Variants in CDK12 observed in about 807,000 individuals in gnomAD.
CDK12 encodes the protein cyclin dependent kinase 12.
A neutral mutation model predicts 133.8 loss-of-function variants in CDK12; 17 were observed. The ratio of observed to expected loss-of-function variants is 0.13; its 90% CI spans 0.09 to 0.19. The LOEUF (loss-of-function observed/expected upper bound fraction) is 0.19. Among genes scored for constraint, CDK12 ranks in the 10% least tolerant of loss-of-function variants. CDK12 has a pLI of 1.00. For missense variants in CDK12, 1,508 were observed against 1,818.7 expected, an observed-to-expected ratio of 0.83 and a Z score of 3.11; for synonymous variants, 694 against 683.6, an observed-to-expected ratio of 1.02 and a Z score of -0.24.
At chr17:39,558,855 G>A (rs2056261821) in intron 3 of CDK12, among the ~76,000 whole-genome samples, 2 of 152,266 alleles carry the variant, frequency 1.3e-5, no homozygotes, top group Non-Finnish European at 2.9e-5. Context: ...TGTTGGCCAG[G>A]CTGGTCTTGA....
chr17:39,468,085 G>A (rs2049486936), intron 1 of CDK12, among the ~76,000 whole-genome samples: 1 of 147,932 alleles, frequency 6.8e-6, no homozygotes, highest in Admixed American at 6.9e-5. Context: ...TAGTAGAGCT[G>A]GGATTTCACC....
intron 6 of CDK12, among the ~76,000 whole-genome samples, chr17:39,502,017 G>A (rs2052752836): frequency 6.7e-6 from 1 of 149,198 alleles, no homozygotes; most frequent in African/African-American, 2.5e-5. Context: ...GCTAATTTTT[G>A]TATTTTCAGT....
intron 7 of CDK12, 81 bp downstream of exon 7, chr17:39,509,842 C>A (rs2146329474): frequency 1.8e-6 from 2 of 1,122,318 alleles, no homozygotes; most frequent in Non-Finnish European, 2.7e-6. Flanking sequence ...TATTCTGTTG[C>A]TCAGGCTGGA....
In CDK12 at chr17:39,471,656, T is replaced by C. The variant is rs1217422091; in HGVS notation, c.1824T>C (p.Ser608=). The C allele has an allele frequency of 1.2e-6, 2 of 1,614,028 alleles. No individual in the cohort carries two copies. The highest frequency in any genetic ancestry group is 1.7e-6 in the Non-Finnish European group (2 of 1,180,006). The change falls in exon 2 of 14, where the codon TCT becomes TCC. Residue 608 remains serine, a synonymous_variant. Transcript: ENST00000447079. ...QANSQPPVQV[S]VKTQVSVTAA... ...ATTCTCAGCCCCCTGTACAGGTTTC[T>C]GTGAAGACTCAAGTATCTGTAACAG...
chr17:39,482,302 G>T lies in CDK12; in HGVS notation c.1932-8255G>T, dbSNP rs145945524. Among the ~76,000 whole-genome samples, 445 of 152,084 alleles carry T rather than the reference G, an allele frequency of 2.9e-3. 2 individuals are homozygous for T. Among genetic ancestry groups the T allele is most frequent in the Non-Finnish European group, 4.8e-3 (326 of 68,000 alleles). On this transcript the variant is annotated intron_variant, in intron 2 of 13. Coordinates refer to ENST00000447079, the MANE Select transcript of CDK12 (RefSeq NM_016507.4). Reference sequence around the variant, plus strand: ...GCTAGGATTACAGGCCTGAGCTACCGCACCTGGCCTTGCTCTGTTTTTCTA... The same window carrying T: ...GCTAGGATTACAGGCCTGAGCTACCTCACCTGGCCTTGCTCTGTTTTTCTA...
intron 11 of CDK12, among the ~76,000 whole-genome samples, chr17:39,520,610 C>T (rs1437522051): frequency 1.3e-5 from 2 of 152,016 alleles, no homozygotes; most frequent in Non-Finnish European, 2.9e-5. Flanking sequence ...CAGCTGGTCT[C>T]GAACTCCTGA....
intron 11 of CDK12, among the ~76,000 whole-genome samples, chr17:39,520,526 G>C (rs1217256989): frequency 6.6e-6 from 1 of 151,856 alleles, no homozygotes; most frequent in Non-Finnish European, 1.5e-5. Context: ...GAGTAGCTGG[G>C]ACTACAGACA....
Position 39,509,689 on chromosome 17 carries a change from G to C in CDK12, c.2610-16G>C, listed in dbSNP as rs936246452. On this transcript the variant is annotated splice_polypyrimidine_tract_variant and intron_variant, in intron 6 of 13. Transcript: ENST00000447079. ...ACTGCTATGGCTTATGAAAATAATT[G>C]TTTTTTGTTTTACAGTGGGCAAATC... The C allele has an allele frequency of 1.2e-6, 2 of 1,605,620 alleles. No homozygotes were observed. The highest frequency in any genetic ancestry group is 1.7e-6 in the Non-Finnish European group (2 of 1,172,326).
upstream of CDK12, chr17:39,550,077 G>A (rs1033901448): frequency 6.6e-6 from 1 of 152,018 alleles, no homozygotes; most frequent in Non-Finnish European, 1.5e-5. Flanking sequence ...TGAGGGGGTG[G>A]AGAGACCAAG....
intron 12 of CDK12, among the ~76,000 whole-genome samples, chr17:39,525,197 T>C (rs982192864): frequency 7.9e-5 from 12 of 152,238 alleles, no homozygotes; most frequent in African/African-American, 2.9e-4. Context: ...CACCCATGAC[T>C]TTATGAAACA....
At position 39,471,207 on chromosome 17, in the gene CDK12, G is replaced by C; in HGVS notation, c.1375G>C (p.Asp459His). 1 of 1,586,468 alleles carries C rather than the reference G, an allele frequency of 6.3e-7. No homozygotes were observed. The highest frequency in any genetic ancestry group is 8.5e-7 in the Non-Finnish European group (1 of 1,170,168). Residue 459 changes from aspartate to histidine, a missense_variant, in exon 2 of 14, where the codon GAT (aspartate) becomes CAT (histidine). Physicochemically the swap from Asp to His is moderately conservative, Grantham distance 81 (BLOSUM62 -1). Transcript: ENST00000447079. ...RSVKLEKSAP[D>H]TELVNVTHLN... ...TGTAAAATTGGAAAAATCTGCCCCA[G>C]ATACTGAACTGGTGAATGTAACACA...
rs1288720999 is a variant in CDK12 at position 39,462,599 on chromosome 17, A to C, written c.528A>C (p.Ser176=). The C allele has an allele frequency of 1.2e-6, 2 of 1,614,058 alleles. No individual in the cohort carries two copies. The highest frequency in any genetic ancestry group is 1.7e-6 in the Non-Finnish European group (2 of 1,180,040). ...AAAGCAGCAGCAAGGAATCCAGGTC[A>C]TCCAAGCTCCACAAGGAGAAGACCA... The part of the protein sequence containing the change: ...VAKSSSKESR[S]SKLHKEKTRK... The change falls in exon 1 of 14, where the codon TCA becomes TCC. Residue 176 remains serine, a synonymous_variant. Transcript: ENST00000447079.
At position 39,533,469 on chromosome 17, in the gene CDK12, ATACTTTCAGAAG is replaced by A; in HGVS notation, c.*2156_*2167del. The A allele has an allele frequency of 4.3e-6, 1 of 233,224 alleles. No homozygotes were observed. The highest frequency in any genetic ancestry group is 8.5e-6 in the Non-Finnish European group (1 of 117,962). The allele number at this position is 233,224 out of a possible 1,614,324, so 14.4% of individuals were successfully genotyped here. ...TTTTATTAAAGAACGTGAGCCTGGG[ATACTTTCAGAAG>A]TATCTGTTCAATGAAAAAAAGTTGG... On this transcript the variant is annotated 3_prime_UTR_variant, in exon 14 of 14. Coordinates refer to ENST00000447079, the MANE Select transcript of CDK12 (RefSeq NM_016507.4).
chr17:39,461,517 C>G lies in CDK12; in HGVS notation c.-555C>G. On this transcript the variant is annotated 5_prime_UTR_variant, in exon 1 of 14. Coordinates refer to ENST00000447079, the MANE Select transcript of CDK12 (RefSeq NM_016507.4). ...CGTTTCGGTTTAATCTAGTGTGTGA[C>G]TGGGTCTGTGTGAGGGAGAGAGTGT... The G allele has an allele frequency of 4.2e-6, 1 of 237,120 alleles. No individual in the cohort carries two copies. Among genetic ancestry groups the G allele is most frequent in the Non-Finnish European group, 8.3e-6 (1 of 120,170 alleles). 14.7% of individuals were successfully genotyped at this position (237,120 alleles called of 1,614,324 possible).
intron 4 of CDK12, among the ~76,000 whole-genome samples, chr17:39,493,896 G>A (rs977794898): frequency 6.6e-6 from 1 of 151,700 alleles, no homozygotes; most frequent in African/African-American, 2.4e-5. Context: ...CTCAGGAGGC[G>A]GAGGCAGGAG....
chr17:39,524,072 T>C (rs2146673770), intron 11 of CDK12, among the ~76,000 whole-genome samples: 1 of 152,336 alleles, frequency 6.6e-6, no homozygotes, highest in Non-Finnish European at 1.5e-5. Context: ...ACCTACTTGG[T>C]CTGATTGTAT....
chr17:39,526,280 C>A lies in CDK12; in HGVS notation c.3724C>A (p.Arg1242=), dbSNP rs61744437. The A allele has an allele frequency of 1.2e-6, 2 of 1,601,538 alleles. No homozygotes were observed. Among genetic ancestry groups the A allele is most frequent in the East Asian group, 4.5e-5 (2 of 44,588 alleles). Residue 1242 remains arginine (R), a synonymous_variant, in exon 13 of 14, where the codon CGA becomes AGA. Transcript: ENST00000447079. ...SDKNSGPQGP[R]RTPTMPQEEA... is the part of the protein sequence containing the mutation. The stretch of plus-strand genomic sequence containing the variant: ...CAAGAACAGTGGGCCACAGGGGCCC[C>A]GAAGAACTCCCACAATGCCACAGGA...
chr17:39,514,633 G>T (rs2053685870), intron 8 of CDK12, among the ~76,000 whole-genome samples: 1 of 152,118 alleles, frequency 6.6e-6, no homozygotes, highest in South Asian at 2.1e-4. Flanking sequence ...GAGCTGCCAT[G>T]CTCAGCCTTT....
chr17:39,495,061 G>A (rs897718781), intron 5 of CDK12, among the ~76,000 whole-genome samples: 11 of 151,004 alleles, frequency 7.3e-5, no homozygotes, highest in African/African-American at 2.2e-4. Flanking sequence ...ATGAGCCACC[G>A]CGCCTGGCCC....
Sources: gnomAD v4.1 joint callset for allele counts (sites outside exome capture counted in the v4.1 genomes callset) on GRCh38, gnomAD v4.1.1 for gene constraint, MANE v1.5 for transcripts, NCBI Gene and HGNC (gene_info 2026-07-23, HGNC 2026-07-21) for gene names.